The following TMEM132A variants were observed in gnomAD, a reference collection of about 807,000 sequenced individuals.
TMEM132A encodes the protein transmembrane protein 132A.
Under a neutral mutation model 69.9 loss-of-function variants are expected in TMEM132A, and 48 were observed. The observed-to-expected ratio is 0.69, with a 90% CI of 0.55 to 0.87. The LOEUF is 0.87. Ranked by LOEUF, TMEM132A falls within the 40% of genes least tolerant of loss-of-function variation. The pLI is 0.00. For missense variants in TMEM132A, 1,287 were observed against 1,407.2 expected (o/e 0.91, Z 1.37); for synonymous variants, 577 against 613.7 (o/e 0.94, Z 0.88).
At chr11:60,934,255 T>G (rs1042797735) in intron 8 of TMEM132A, 7 of 421,274 alleles carry the variant, frequency 1.7e-5, no homozygotes, top group Non-Finnish European at 2.5e-5. Flanking sequence ...TGCGGTCCAC[T>G]TGGGAGCAAG....
rs1022376831 is a variant in TMEM132A, at chr11:60,936,200, G to A, written c.2365G>A (p.Ala789Thr). 1.2e-6 allele frequency: 2 copies of A among 1,614,074 alleles called. No homozygotes were observed. Among genetic ancestry groups the A allele is most frequent in the Non-Finnish European group, 8.5e-7 (1 of 1,179,970 alleles). Reference sequence around the variant, plus strand: ...TGCTTGGAGCCCACCAGCCACAGAAGCCACCATGGGTGGTAAACGGCAGGT... The same window carrying A: ...TGCTTGGAGCCCACCAGCCACAGAAACCACCATGGGTGGTAAACGGCAGGT... ...SPAWSPPATE[A>T]TMGGKRQVAG... The change falls in exon 11 of 11, where the codon GCC becomes ACC. Residue 789 changes from alanine to threonine, a missense_variant. Physicochemically the swap from Ala to Thr is moderately conservative, Grantham distance 58 (BLOSUM62 0). Transcript: ENST00000453848.
rs2074416 is a variant in TMEM132A at position 60,930,582 on chromosome 11, G to A, written c.939G>A (p.Leu313=). 0.38 allele frequency: 619,169 copies of A among 1,612,960 alleles called. 121,891 individuals are homozygous for A. The highest frequency in any genetic ancestry group is 0.41 in the Admixed American group (24,806 of 59,940). The stretch of plus-strand genomic sequence containing the variant: ...AGCCCACACTCTGGACTGCCAAGCT[G>A]GACCGCTTCAAGGGCTCCAGGCACC... ...PAQPTLWTAK[L]DRFKGSRHHT... is the part of the protein sequence containing the mutation. Residue 313 remains leucine (L), a synonymous_variant, in exon 5 of 11, where the codon CTG becomes CTA. Coordinates refer to ENST00000453848, the MANE Select transcript of TMEM132A (RefSeq NM_178031.3).
At chr11:60,933,985 T>C (rs1856537139) in intron 8 of TMEM132A, 2 of 567,384 alleles carry the variant, frequency 3.5e-6, no homozygotes, top group Non-Finnish European at 6.3e-6. Flanking sequence ...CTCCACTTCC[T>C]AATCTACGTC....
intron 4 of TMEM132A, among the ~76,000 whole-genome samples, chr11:60,929,385 C>T (rs149257505): frequency 1.3e-5 from 2 of 152,298 alleles, no homozygotes; most frequent in East Asian, 1.9e-4. Flanking sequence ...CCACCCTCGC[C>T]GTAGGAGTCT....
rs1856542132 is a variant in TMEM132A at position 60,934,249 on chromosome 11, G to T, written c.1560-239G>T. The T allele has an allele frequency of 1.2e-5, 5 of 419,074 alleles. No individual in the cohort carries two copies. In the East Asian group the frequency reaches 1.9e-4, roughly 16 times the overall value. The allele number at this position is 419,074 out of a possible 1,614,324, so 26.0% of individuals were successfully genotyped here. A position where few individuals can be genotyped will look rare whatever the true frequency, so the allele number is the denominator to read the frequency against. On this transcript the variant is annotated intron_variant, in intron 8 of 10. Transcript: ENST00000453848. The stretch of plus-strand genomic sequence containing the variant: ...CCCGTAAGAGAGCGTCTCCCCTGCG[G>T]TCCACTTGGGAGCAAGAGCGGTGAT...
chr11:60,934,318 G>T, intron 8 of TMEM132A, 170 bp from the exon 9 acceptor site: 1 of 557,926 alleles, frequency 1.8e-6, no homozygotes, highest in Non-Finnish European at 2.8e-6. Context: ...CGGCTCGCCT[G>T]CAGGTGGAAG....
intron 1 of TMEM132A, 77 bp downstream of exon 1, chr11:60,924,810 C>A: frequency 9.0e-7 from 1 of 1,107,826 alleles, no homozygotes; most frequent in Non-Finnish European, 1.2e-6. Flanking sequence ...CGGGAGCCAC[C>A]AACCTTTGGG....
In TMEM132A at chr11:60,934,729, G is replaced by A. The variant is rs754840733; in HGVS notation, c.1801G>A (p.Val601Met). 12 of 1,604,790 alleles carry A rather than the reference G, an allele frequency of 7.5e-6. No individual in the cohort carries two copies. In the South Asian group the frequency reaches 1.0e-4, roughly 13 times the overall value. The change falls in exon 9 of 11, where the codon GTG (valine) becomes ATG (methionine). Residue 601 changes from valine (V) to methionine (M), a missense_variant. Coordinates refer to ENST00000453848, the MANE Select transcript of TMEM132A (RefSeq NM_178031.3). The part of the protein sequence containing the change: ...RVASLEGGRV[V>M]VGREPGVTSI... ...AGCCTCTCTGGAGGGTGGCCGTGTC[G>A]TGGTGGGCCGGGAGCCCGGTGTCAC...
chr11:60,936,405 T>C lies in TMEM132A; in HGVS notation c.2570T>C (p.Phe857Ser). 1 of 1,614,150 alleles carries C rather than the reference T, an allele frequency of 6.2e-7. No individual in the cohort carries two copies. Among genetic ancestry groups the C allele is most frequent in the Non-Finnish European group, 8.5e-7 (1 of 1,180,006 alleles). Residue 857 changes from phenylalanine to serine, a missense_variant, in exon 11 of 11, where the codon TTC (phenylalanine) becomes TCC (serine). By Grantham distance (155) the Phe-to-Ser change is radical. Transcript: ENST00000453848. ...ELGMYALLGV[F>S]CVAIFIFLVN... ...GGCATGTACGCCCTGCTGGGAGTCT[T>C]CTGCGTGGCCATCTTCATCTTCTTG... is the stretch of plus-strand genomic sequence containing the variant.
rs1856558307 is a variant in TMEM132A at position 60,935,025 on chromosome 11, G to A, written c.1837-227G>A. Among the ~76,000 whole-genome samples, 1 of 152,170 alleles carries A rather than the reference G, an allele frequency of 6.6e-6. No homozygotes were observed. Among genetic ancestry groups the A allele is most frequent in the African/African-American group, 2.4e-5 (1 of 41,428 alleles). On this transcript the variant is annotated intron_variant, in intron 9 of 10. Transcript: ENST00000453848. The surrounding 1 kb of genome is among the most constrained non-coding windows in gnomAD (Gnocchi z 5.0). ...GAGGGAAAAGGGAACTGCCCCCTAG[G>A]TGTGGGATTGGGGTCCAGGTATGCA...
At chr11:60,931,397 G>A (rs1044273796) in intron 5 of TMEM132A, among the ~76,000 whole-genome samples, 3 of 152,160 alleles carry the variant, frequency 2.0e-5, no homozygotes, top group Admixed American at 1.3e-4. Flanking sequence ...TGGGGGAAGC[G>A]GGCCCGGGCA....
rs1192386768 is a variant in TMEM132A, at chr11:60,934,582, G to A, written c.1654G>A (p.Ala552Thr). Residue 552 changes from alanine to threonine, a missense_variant, in exon 9 of 11, where the codon GCC becomes ACC. By Grantham distance (58) the Ala-to-Thr change is moderately conservative. Transcript: ENST00000453848. ...CCAGCGGGCCGGTGTGCGCTTCCTC[G>A]CCCCCTTCGCGGCCCACCCGCTGGA... ...QYQRAGVRFL[A>T]PFAAHPLDGG... The A allele has an allele frequency of 2.6e-6, 4 of 1,554,988 alleles. No homozygotes were observed. In the African/African-American group the frequency reaches 4.1e-5, roughly 16 times the overall value.
chr11:60,930,452 A>G (rs1856450439), intron 4 of TMEM132A, 58 bp from the exon 5 acceptor site: 3 of 1,507,420 alleles, frequency 2.0e-6, no homozygotes, highest in Non-Finnish European at 2.7e-6. Flanking sequence ...TTCCCCTTCA[A>G]TCCAGCCCAC....
rs774690482 is a variant in TMEM132A at position 60,932,101 on chromosome 11, G to A, written c.1330G>A (p.Glu444Lys). The change falls in exon 7 of 11, where the codon GAG becomes AAG. Residue 444 changes from glutamate (E) to lysine (K), a missense_variant. Transcript: ENST00000453848. The part of the protein sequence containing the change: ...LVEVTEHVGC[E>K]SANTQVLQVS... ...GGAGGTGACAGAGCATGTCGGCTGCGAGTCTGCCAACACACAGGTCCTGCA... is the reference window on the plus strand; with the variant it reads ...GGAGGTGACAGAGCATGTCGGCTGCAAGTCTGCCAACACACAGGTCCTGCA... The A allele has an allele frequency of 2.2e-5, 34 of 1,552,536 alleles. No homozygotes were observed. Among genetic ancestry groups the A allele is most frequent in the African/African-American group, 1.5e-4 (11 of 72,828 alleles).
chr11:60,932,480 T>C, intron 7 of TMEM132A: 1 of 207,906 alleles, frequency 4.8e-6, no homozygotes, highest in Non-Finnish European at 9.5e-6. Context: ...TCTTAACCTC[T>C]CTGAGCCTCG....
At position 60,932,080 on chromosome 11, in the gene TMEM132A, G is replaced by T. The variant is rs746470641; in HGVS notation, c.1309G>T (p.Val437Leu). The T allele has an allele frequency of 6.3e-7, 1 of 1,576,634 alleles. No homozygotes were observed. Among genetic ancestry groups the T allele is most frequent in the Non-Finnish European group, 8.6e-7 (1 of 1,164,362 alleles). The change falls in exon 7 of 11, where the codon GTG (valine) becomes TTG (leucine). Residue 437 changes from valine to leucine, a missense_variant. Val to Leu is a conservative substitution (Grantham distance 32). Coordinates refer to ENST00000453848, the MANE Select transcript of TMEM132A (RefSeq NM_178031.3). ...TVDGGGALVE[V>L]TEHVGCESAN... ...GGACGGCGGGGGGGCCTTGGTGGAG[G>T]TGACAGAGCATGTCGGCTGCGAGTC...
chr11:60,928,899 C>T lies in TMEM132A; in HGVS notation c.805C>T (p.Gln269Ter). The T allele has an allele frequency of 6.2e-7, 1 of 1,612,782 alleles. No homozygotes were observed. Residue 269 changes from glutamine (Q) to a stop codon, truncating the protein, a stop_gained, in exon 4 of 11, where the codon CAG becomes TAG. Coordinates refer to ENST00000453848, the MANE Select transcript of TMEM132A (RefSeq NM_178031.3). LOFTEE classifies it high-confidence loss of function. ...GCCTGACATGCCAGTGCGGCCCGGC[C>T]AGCTCTTTAGTGCTACCCTCCTGCT... is the stretch of plus-strand genomic sequence containing the variant. Reference protein sequence around the residue: ...RVPDMPVRPGQLFSATLLLRH... With the variant: ...RVPDMPVRPG
At position 60,935,273 on chromosome 11, in the gene TMEM132A, T is replaced by C; in HGVS notation, c.1858T>C (p.Ser620Pro). ...SIEVRSPLSDSILGEQALAVT... is the reference protein window; with the variant it reads ...SIEVRSPLSDPILGEQALAVT... Reference sequence around the variant, plus strand: ...TCAGGTGCGTTCCCCACTGTCTGACTCCATCCTGGGGGAGCAGGCGCTGGC... The same window carrying C: ...TCAGGTGCGTTCCCCACTGTCTGACCCCATCCTGGGGGAGCAGGCGCTGGC... Residue 620 changes from serine to proline, a missense_variant, in exon 10 of 11, where the codon TCC (serine) becomes CCC (proline). Ser to Pro is a moderately conservative substitution (Grantham distance 74). Coordinates refer to ENST00000453848, the MANE Select transcript of TMEM132A (RefSeq NM_178031.3). The surrounding 1 kb of genome is among the most constrained non-coding windows in gnomAD (Gnocchi z 5.0). The C allele has an allele frequency of 6.2e-7, 1 of 1,611,366 alleles. No individual in the cohort carries two copies. The highest frequency in any genetic ancestry group is 8.5e-7 in the Non-Finnish European group (1 of 1,179,358).
chr11:60,934,806 G>A (rs765498800), intron 9 of TMEM132A, 42 bp downstream of exon 9: 9 of 1,540,802 alleles, frequency 5.8e-6, no homozygotes, highest in African/African-American at 1.4e-5. Context: ...CCTGAGAAGG[G>A]TGGAGGGGCC....
Sources: gnomAD v4.1 joint callset for allele counts (sites outside exome capture counted in the v4.1 genomes callset) on GRCh38, gnomAD v4.1.1 for gene constraint, Gnocchi (gnomAD v3.1) non-coding constraint, MANE v1.5 for transcripts, NCBI Gene and HGNC (gene_info 2026-07-23, HGNC 2026-07-21) for gene names.